The following AGPS variants were observed in gnomAD, a reference collection of about 807,000 sequenced individuals.
The protein encoded by AGPS is alkyldihydroxyacetonephosphate synthase, peroxisomal.
AGPS carries 26 observed loss-of-function variants against 90.7 expected under a neutral mutation model. The observed-to-expected ratio is 0.29, with a 90% CI of 0.21 to 0.40. The LOEUF is 0.40. Among genes scored for constraint, AGPS ranks in the 10% least tolerant of loss-of-function variants. The pLI is 1.00. For synonymous variants in AGPS, 294 were observed against 285.3 expected, an observed-to-expected ratio of 1.03 and a Z score of -0.31; for missense variants, 540 against 816.1, an observed-to-expected ratio of 0.66 and a Z score of 4.12.
intron 16 of AGPS, among the ~76,000 whole-genome samples, chr2:177,512,051 T>A (rs1013190711): frequency 6.6e-6 from 1 of 152,216 alleles, no homozygotes; most frequent in Non-Finnish European, 1.5e-5. Flanking sequence ...ACTACTTAGC[T>A]GTAGCACTTA....
Position 177,411,692 on chromosome 2 carries a change from A to G in AGPS, c.261-8577A>G, listed in dbSNP as rs573324074. Among the ~76,000 whole-genome samples, 92 of 152,302 alleles carry G rather than the reference A, an allele frequency of 6.0e-4. No individual in the cohort carries two copies. In the Middle Eastern group the frequency reaches 0.01, roughly 17 times the overall value. On this transcript the variant is annotated intron_variant, in intron 1 of 19. Transcript: ENST00000264167. Reference sequence around the variant, plus strand: ...GTCCTAACCCTTGTAAAACATCAATATAGCCATCAGGGTTATCTGATAATT... The same window carrying G: ...GTCCTAACCCTTGTAAAACATCAATGTAGCCATCAGGGTTATCTGATAATT...
In AGPS at chr2:177,436,773, A is replaced by T. The variant is rs886055164; in HGVS notation, c.451A>T (p.Asn151Tyr). The T allele has an allele frequency of 6.2e-7, 1 of 1,611,508 alleles. No homozygotes were observed. Among genetic ancestry groups the T allele is most frequent in the Non-Finnish European group, 8.5e-7 (1 of 1,178,856 alleles). ...CAATTTTATTTTCTAGGCATCCTTA[A>T]ATCCTAGTGATACACCTCCTTCTGT... ...EHKTTSKASL[N>Y]PSDTPPSVVN... Residue 151 changes from asparagine (N) to tyrosine (Y), a missense_variant, in exon 4 of 20, where the codon AAT (asparagine) becomes TAT (tyrosine). Asn to Tyr is a moderately radical substitution (Grantham distance 143). Around this residue, in one of 2 missense-constraint regions of AGPS, gnomAD observed 405 missense variants for 692.1 expected, o/e 0.59. Transcript: ENST00000264167.
At chr2:177,432,864 G>T (rs769129877) in intron 2 of AGPS, among the ~76,000 whole-genome samples, 14 of 152,214 alleles carry the variant, frequency 9.2e-5, no homozygotes, top group Non-Finnish European at 1.8e-4. Flanking sequence ...GCTGGTATGT[G>T]CTGAGATCAC....
In AGPS at chr2:177,542,738, A is replaced by G. The variant is rs1000979259; in HGVS notation, c.*4543A>G. On this transcript the variant is annotated 3_prime_UTR_variant, in exon 20 of 20. Transcript: ENST00000264167. ...GTTTTTCCTTTAATCTTGTTCACATATCAGAAAAGGACATGAAATGCTCAT... is the reference window on the plus strand; with the variant it reads ...GTTTTTCCTTTAATCTTGTTCACATGTCAGAAAAGGACATGAAATGCTCAT... 6.6e-6 allele frequency: 1 copy of G among 152,172 alleles called. No individual in the cohort carries two copies. Among genetic ancestry groups the G allele is most frequent in the Non-Finnish European group, 1.5e-5 (1 of 68,010 alleles). The allele number at this position is 152,172 out of a possible 1,614,324, so 9.4% of individuals were successfully genotyped here. A position where few individuals can be genotyped will look rare whatever the true frequency, so the allele number is the denominator to read the frequency against.
At chr2:177,400,300 A>T (rs766700441) in intron 1 of AGPS, among the ~76,000 whole-genome samples, 1 of 152,198 alleles carries the variant, frequency 6.6e-6, no homozygotes, top group African/African-American at 2.4e-5. Context: ...GCTTAAAATC[A>T]TAAGTCCAAC....
chr2:177,415,179 T>A (rs1445686054), intron 1 of AGPS, among the ~76,000 whole-genome samples: 1 of 152,198 alleles, frequency 6.6e-6, no homozygotes, highest in Non-Finnish European at 1.5e-5. Flanking sequence ...TTTCATGGAA[T>A]GCATTTTCCA....
At chr2:177,507,411 T>C (rs940952373) in intron 15 of AGPS, among the ~76,000 whole-genome samples, 1 of 152,152 alleles carries the variant, frequency 6.6e-6, no homozygotes, top group African/African-American at 2.4e-5. Flanking sequence ...TGTAAAATAT[T>C]TTCGTAGTAG....
intron 10 of AGPS, among the ~76,000 whole-genome samples, chr2:177,474,008 T>G (rs1414636822): frequency 3.9e-5 from 6 of 152,224 alleles, no homozygotes; most frequent in African/African-American, 1.4e-4. Flanking sequence ...TCATGATGCC[T>G]TCTTACTAGT....
intron 11 of AGPS, among the ~76,000 whole-genome samples, chr2:177,490,135 T>C (rs1688208144): frequency 6.6e-6 from 1 of 152,240 alleles, no homozygotes; most frequent in African/African-American, 2.4e-5. Context: ...AAATTGATGT[T>C]GTTTTTTAAG....
chr2:177,528,121 A>T (rs1047939844), intron 19 of AGPS, among the ~76,000 whole-genome samples: 8 of 152,066 alleles, frequency 5.3e-5, no homozygotes, highest in African/African-American at 1.7e-4. Flanking sequence ...CATTTATTTG[A>T]TGATTATCTC....
At chr2:177,470,217 A>T (rs1687571871) in intron 10 of AGPS, among the ~76,000 whole-genome samples, 1 of 152,124 alleles carries the variant, frequency 6.6e-6, no homozygotes, top group Non-Finnish European at 1.5e-5. Flanking sequence ...TTAATTGTGG[A>T]GTAGAACAGG....
chr2:177,425,628 A>G (rs1686059471), intron 2 of AGPS, among the ~76,000 whole-genome samples: 1 of 143,596 alleles, frequency 7.0e-6, no homozygotes, highest in Non-Finnish European at 1.5e-5. Flanking sequence ...CCTAGAAAAA[A>G]AAAAAAAAAA....
At chr2:177,472,498 T>C (rs1574397002) in intron 10 of AGPS, among the ~76,000 whole-genome samples, 1 of 152,312 alleles carries the variant, frequency 6.6e-6, no homozygotes, top group East Asian at 1.9e-4. Flanking sequence ...ATTTAATTCA[T>C]GTTGTGTTAC....
intron 17 of AGPS, 35 bp downstream of exon 17, chr2:177,513,943 C>G: frequency 6.7e-7 from 1 of 1,500,348 alleles, no homozygotes; most frequent in South Asian, 1.1e-5. Context: ...ACTTCTTATT[C>G]TGAAAAAAAT....
chr2:177,421,803 T>C (rs1474916273), intron 2 of AGPS, among the ~76,000 whole-genome samples: 1 of 152,186 alleles, frequency 6.6e-6, no homozygotes, highest in Non-Finnish European at 1.5e-5. Context: ...AAAATTAATC[T>C]TCTGAACTTA....
At chr2:177,414,920 G>GTGTGTGTGTGTGTA (rs1685741724) in intron 1 of AGPS, among the ~76,000 whole-genome samples, 1 of 151,228 alleles carries the variant, frequency 6.6e-6, no homozygotes, top group Non-Finnish European at 1.5e-5. Flanking sequence ...GTGTGTGTGT[G>GTGTGTGTGTGTGTA]TATAATGTAT....
intron 16 of AGPS, among the ~76,000 whole-genome samples, chr2:177,509,284 T>C (rs1688797494): frequency 1.3e-5 from 2 of 152,250 alleles, no homozygotes; most frequent in African/African-American, 2.4e-5. Context: ...TGAAATGTTA[T>C]TCACAAATTT....
intron 17 of AGPS, among the ~76,000 whole-genome samples, chr2:177,518,041 G>A (rs192098940): frequency 6.6e-6 from 1 of 152,160 alleles, no homozygotes; most frequent in African/African-American, 2.4e-5. Context: ...TATTTATTAA[G>A]TCTCATTATT....
At chr2:177,511,873 A>G (rs1688883654) in intron 16 of AGPS, among the ~76,000 whole-genome samples, 1 of 152,164 alleles carries the variant, frequency 6.6e-6, no homozygotes. Flanking sequence ...TTATTCAACT[A>G]TCAGTGAGGG....
Sources: allele counts gnomAD v4.1 joint callset (sites outside exome capture counted in the v4.1 genomes callset), GRCh38; gene constraint gnomAD v4.1.1; regional missense constraint gnomAD v4.1.1; transcripts MANE v1.5; gene names NCBI Gene and HGNC (gene_info 2026-07-23, HGNC 2026-07-21).